GPATCH2: variants seen among roughly 807,000 people sequenced by gnomAD.
The protein encoded by GPATCH2 is G patch domain-containing protein 2.
GPATCH2 carries 51 observed loss-of-function variants against 58.0 expected under a neutral mutation model. The observed-to-expected ratio is 0.88, with a 90% confidence interval of 0.70 to 1.11. GPATCH2 has a LOEUF of 1.11. Ranked by LOEUF, GPATCH2 falls within the 50% of genes most tolerant of loss-of-function variation. GPATCH2 has a pLI of 0.00. For synonymous variants in GPATCH2, 222 were observed against 218.5 expected (o/e 1.02, Z -0.14); for missense variants, 625 against 652.2 (o/e 0.96, Z 0.45).
At chr1:217,618,272 C>G (rs189102383) in intron 2 of GPATCH2, among the ~76,000 whole-genome samples, 4 of 147,554 alleles carry the variant, frequency 2.7e-5, no homozygotes, top group Non-Finnish European at 4.5e-5. Context: ...CGCAGTGGCA[C>G]GATCTTGGAT....
intron 5 of GPATCH2, among the ~76,000 whole-genome samples, chr1:217,518,014 C>T (rs141790823): frequency 7.3e-4 from 111 of 152,172 alleles, no homozygotes; most frequent in African/African-American, 2.4e-3. Flanking sequence ...TCACATTACA[C>T]GCCCTGAATT....
chr1:217,517,005 A>T (rs1663194191), intron 5 of GPATCH2, among the ~76,000 whole-genome samples: 1 of 152,176 alleles, frequency 6.6e-6, no homozygotes, highest in Non-Finnish European at 1.5e-5. Flanking sequence ...AATGCAATAA[A>T]ACAGAATTTA....
intron 5 of GPATCH2, among the ~76,000 whole-genome samples, chr1:217,567,989 C>G (rs564641669): frequency 6.6e-6 from 1 of 152,022 alleles, no homozygotes; most frequent in African/African-American, 2.4e-5. Flanking sequence ...CGGTGGCGGG[C>G]GCCTGCAGTC....
rs368110009 is a variant in GPATCH2 at position 217,620,091 on chromosome 1, A to G, written c.465T>C (p.Asn155=). 96 of 1,613,898 alleles carry G rather than the reference A, an allele frequency of 5.9e-5. No individual in the cohort carries two copies. The highest frequency in any genetic ancestry group is 3.3e-5 in the South Asian group (3 of 91,074). ...CCTTTCTCCTCCTGCGCAGAGTTCT[A>G]TTCCCAACATTGTCCACAGCAAAAT... The part of the protein sequence containing the change: ...ESDFAVDNVG[N]RTLRRRRKVK... The change falls in exon 2 of 10, where the codon AAT becomes AAC. Residue 155 remains asparagine (N), a synonymous_variant. Coordinates refer to ENST00000366935, the MANE Select transcript of GPATCH2 (RefSeq NM_018040.5).
At chr1:217,458,010 G>A (rs930089756) in intron 8 of GPATCH2, among the ~76,000 whole-genome samples, 1 of 152,218 alleles carries the variant, frequency 6.6e-6, no homozygotes, top group East Asian at 1.9e-4. Context: ...GGCGGACCAC[G>A]AAGTCAGGAG....
At chr1:217,595,094 A>G (rs1166928290) in intron 5 of GPATCH2, among the ~76,000 whole-genome samples, 1 of 152,228 alleles carries the variant, frequency 6.6e-6, no homozygotes. Context: ...AGTCAATTCC[A>G]AAAGTTGAGC....
Position 217,530,911 on chromosome 1 carries a change from T to C in GPATCH2, c.1099-16022A>G, listed in dbSNP as rs184412129. Reference sequence around the variant, plus strand: ...TAATAATCGTCTCTAAATTGAATGTTTTACAGCTGATTTGCTTTTCTTGGC... The same window carrying C: ...TAATAATCGTCTCTAAATTGAATGTCTTACAGCTGATTTGCTTTTCTTGGC... On this transcript the variant is annotated intron_variant, in intron 5 of 9. Coordinates refer to ENST00000366935, the MANE Select transcript of GPATCH2 (RefSeq NM_018040.5). Among the ~76,000 whole-genome samples the C allele has an allele frequency of 3.6e-3, 551 of 152,244 alleles. 5 individuals are homozygous for C. The highest frequency in any genetic ancestry group is 0.012 in the African/African-American group (505 of 41,544).
chr1:217,469,326 G>C lies in GPATCH2; in HGVS notation c.1278-19989C>G, dbSNP rs191032992. On this transcript the variant is annotated intron_variant, in intron 8 of 9. Transcript: ENST00000366935. ...AGAAAACATTTAAATATCAACATCT[G>C]TTGAATTATGTTAATTTAGTGTAAT... 2.0e-3 allele frequency among the ~76,000 whole-genome samples: 302 copies of C among 152,212 alleles called. 2 individuals carry two copies. Among genetic ancestry groups the C allele is most frequent in the Non-Finnish European group, 3.2e-3 (217 of 67,972 alleles).
intron 6 of GPATCH2, among the ~76,000 whole-genome samples, chr1:217,499,169 T>G (rs968516463): frequency 1.3e-5 from 2 of 152,154 alleles, no homozygotes; most frequent in African/African-American, 4.8e-5. Flanking sequence ...GAGAGAGGTA[T>G]TATGGCAAAT....
intron 5 of GPATCH2, among the ~76,000 whole-genome samples, chr1:217,586,364 C>T (rs1220821410): frequency 1.4e-5 from 2 of 145,208 alleles, no homozygotes; most frequent in Admixed American, 1.4e-4. Context: ...CTATTTTATA[C>T]CTTTTTTTTT....
At chr1:217,516,736 A>G (rs1022213429) in intron 5 of GPATCH2, among the ~76,000 whole-genome samples, 1 of 152,174 alleles carries the variant, frequency 6.6e-6, no homozygotes, top group African/African-American at 2.4e-5. Flanking sequence ...TTTCCACACT[A>G]TATTAATCTT....
At chr1:217,480,218 G>T (rs1330698892) in intron 8 of GPATCH2, among the ~76,000 whole-genome samples, 2 of 151,622 alleles carry the variant, frequency 1.3e-5, no homozygotes, top group Admixed American at 1.3e-4. Context: ...GAGAATGGGA[G>T]AAAATATTTG....
chr1:217,596,248 T>TAAGA (rs1667822994), intron 5 of GPATCH2, among the ~76,000 whole-genome samples: 1 of 152,176 alleles, frequency 6.6e-6, no homozygotes, highest in South Asian at 2.1e-4. Context: ...TTGACCAAAA[T>TAAGA]ATCTGGCTGA....
At chr1:217,524,727 A>G (rs1663735159) in intron 5 of GPATCH2, among the ~76,000 whole-genome samples, 1 of 150,412 alleles carries the variant, frequency 6.6e-6, no homozygotes, top group Non-Finnish European at 1.5e-5. Context: ...CAGGCGTGGC[A>G]GCGCGCACCT....
chr1:217,610,322 A>T lies in GPATCH2; in HGVS notation c.1097T>A (p.Met366Lys), dbSNP rs1398371362. ...ATTACACAGAAAAAGTATGCCTACC[A>T]TTGAAGTTGGAGTCCCTCCAGATTT... is the stretch of plus-strand genomic sequence containing the variant. ...IKKSGGTPTS[M>K]VPIPGPVGNK... Residue 366 changes from methionine to lysine, a missense_variant and splice_region_variant, in exon 5 of 10, where the codon ATG becomes AAG. By Grantham distance (95) the Met-to-Lys change is moderately conservative (BLOSUM62 -1). Transcript: ENST00000366935. 2.5e-6 allele frequency: 4 copies of T among 1,570,650 alleles called. No homozygotes were observed. Among genetic ancestry groups the T allele is most frequent in the Non-Finnish European group, 3.5e-6 (4 of 1,141,602 alleles).
chr1:217,506,752 G>A (rs928162050), intron 6 of GPATCH2, among the ~76,000 whole-genome samples: 3 of 152,256 alleles, frequency 2.0e-5, no homozygotes, highest in African/African-American at 7.2e-5. Flanking sequence ...CATACCACAT[G>A]CTTTTCCTTC....
chr1:217,531,535 A>C (rs549855171), intron 5 of GPATCH2, among the ~76,000 whole-genome samples: 3 of 152,326 alleles, frequency 2.0e-5, no homozygotes, highest in African/African-American at 7.2e-5. Flanking sequence ...TATCTCATGA[A>C]ATAGTACACA....
At chr1:217,584,753 GA>G (rs1317906738) in intron 5 of GPATCH2, among the ~76,000 whole-genome samples, 3 of 151,324 alleles carry the variant, frequency 2.0e-5, no homozygotes, top group South Asian at 2.1e-4. Context: ...ATACTAGAAG[GA>G]AAAAAAACTT....
intron 5 of GPATCH2, among the ~76,000 whole-genome samples, chr1:217,536,208 T>A (rs1324327469): frequency 6.6e-6 from 1 of 152,310 alleles, no homozygotes; most frequent in African/African-American, 2.4e-5. Flanking sequence ...GATGAAGCAA[T>A]CTCTTTTACT....
Sources: allele counts gnomAD v4.1 joint callset (sites outside exome capture counted in the v4.1 genomes callset), GRCh38; gene constraint gnomAD v4.1.1; transcripts MANE v1.5; gene names NCBI Gene and HGNC (gene_info 2026-07-23, HGNC 2026-07-21).